The following TMEM183A variants were observed in gnomAD, a reference collection of about 807,000 sequenced individuals.
TMEM183A encodes transmembrane protein 183A, also known as chromosome 1 open reading frame 37.
In TMEM183A, 21 loss-of-function variants were observed where a neutral mutation model predicts 46.7. The ratio of observed to expected loss-of-function variants is 0.45; its 90% CI spans 0.32 to 0.65. The LOEUF (loss-of-function observed/expected upper bound fraction) is 0.65. Among genes scored for constraint, TMEM183A ranks in the 30% least tolerant of loss-of-function variants. The pLI, the probability that TMEM183A is intolerant of heterozygous loss-of-function variation, is 0.04. For synonymous variants in TMEM183A, 165 were observed against 180.2 expected (o/e 0.92, Z 0.68); for missense variants, 331 against 481.9 (o/e 0.69, Z 2.93).
intron 2 of TMEM183A, among the ~76,000 whole-genome samples, chr1:203,008,282 A>C (rs1012753793): frequency 6.6e-6 from 1 of 152,196 alleles, no homozygotes; most frequent in Non-Finnish European, 1.5e-5. Flanking sequence ...GCTCAGGACC[A>C]GGATTAAATT....
chr1:203,010,653 ATCT>A (rs1291873201), intron 3 of TMEM183A, among the ~76,000 whole-genome samples: 1 of 152,224 alleles, frequency 6.6e-6, no homozygotes, highest in Non-Finnish European at 1.5e-5. Context: ...TTAGGGATTT[ATCT>A]TCTTGTTGTT....
At position 203,023,915 on chromosome 1, in the gene TMEM183A, AAAAGT is replaced by A. The variant is rs1453748913; in HGVS notation, c.*879_*883del. On this transcript the variant is annotated 3_prime_UTR_variant, in exon 8 of 8. Coordinates refer to ENST00000367242, the MANE Select transcript of TMEM183A (RefSeq NM_138391.6). ...GTAGGCAGAGTGTACATAGATAAAA[AAAAGT>A]AAAAGGGTAAGTAAAAAATTGATTG... 6.6e-6 allele frequency: 1 copy of A among 152,224 alleles called. No individual in the cohort carries two copies. The highest frequency in any genetic ancestry group is 1.9e-4 in the East Asian group (1 of 5,202). The allele number at this position is 152,224 out of a possible 1,614,324, so 9.4% of individuals were successfully genotyped here. A position where few individuals can be genotyped will look rare whatever the true frequency, so the allele number is the denominator to read the frequency against.
At chr1:203,019,234 G>T (rs1248037565) in intron 6 of TMEM183A, among the ~76,000 whole-genome samples, 3 of 152,124 alleles carry the variant, frequency 2.0e-5, no homozygotes, top group African/African-American at 7.2e-5. Flanking sequence ...AACACTTCTG[G>T]CCCCAAGCGT....
Position 203,007,667 on chromosome 1 carries a change from G to A in TMEM183A, c.109+93G>A, listed in dbSNP as rs1439687002. The A allele has an allele frequency of 4.5e-6, 7 of 1,544,066 alleles. 1 individual carries two copies. The South Asian group carries it at 7.0e-5, about 15-fold the overall frequency. On this transcript the variant is annotated intron_variant, in intron 1 of 7. Coordinates refer to ENST00000367242, the MANE Select transcript of TMEM183A (RefSeq NM_138391.6). Reference sequence around the variant, plus strand: ...CCGAGGTGAGCGCTCGCGTGCCCGCGGCTGGAGGGCGGCTCGGTCCGGGGG... The same window carrying A: ...CCGAGGTGAGCGCTCGCGTGCCCGCAGCTGGAGGGCGGCTCGGTCCGGGGG...
chr1:203,015,147 C>G (rs1463463363), intron 4 of TMEM183A, 99 bp downstream of exon 4: 2 of 1,522,576 alleles, frequency 1.3e-6, no homozygotes, highest in Non-Finnish European at 1.8e-6. Context: ...TTTTCACTTT[C>G]TCTACTCCAT....
At chr1:203,016,221 T>G in intron 5 of TMEM183A, 81 bp downstream of exon 5, 1 of 1,593,342 alleles carries the variant, frequency 6.3e-7, no homozygotes, top group Non-Finnish European at 8.6e-7. Flanking sequence ...TCCAGCTTCC[T>G]TGATGGGGAG....
chr1:203,011,917 G>C (rs1443647361), intron 3 of TMEM183A, among the ~76,000 whole-genome samples: 2 of 138,118 alleles, frequency 1.4e-5, no homozygotes, highest in African/African-American at 2.7e-5. Flanking sequence ...TATTGTTTCA[G>C]CAGGTATAAT....
intron 7 of TMEM183A, 137 bp downstream of exon 7, chr1:203,021,085 G>A: frequency 9.9e-7 from 1 of 1,005,300 alleles, no homozygotes; most frequent in East Asian, 2.8e-5. Context: ...AGGCTGAAGT[G>A]CAGTGATGGA....
chr1:203,012,996 A>C (rs1379888444), intron 3 of TMEM183A, among the ~76,000 whole-genome samples: 1 of 152,252 alleles, frequency 6.6e-6, no homozygotes. Flanking sequence ...TTGAGATTAC[A>C]GGCATGAGCC....
chr1:203,022,889 A>G lies in TMEM183A; in HGVS notation c.980A>G (p.His327Arg), dbSNP rs1390328198. Residue 327 changes from histidine (H) to arginine (R), a missense_variant, in exon 8 of 8, where the codon CAT becomes CGT. His to Arg is a conservative substitution (Grantham distance 29). Around this residue, in one of 2 missense-constraint regions of TMEM183A, gnomAD observed 233 missense variants for 385.8 expected, o/e 0.60. Transcript: ENST00000367242. Reference sequence around the variant, plus strand: ...AATGTGAGCACGGACATGCGGCATCATCGAGTGAGACTGGTGTTCCAAGAT... The same window carrying G: ...AATGTGAGCACGGACATGCGGCATCGTCGAGTGAGACTGGTGTTCCAAGAT... ...TINVSTDMRH[H>R]RVRLVFQDSP... is the part of the protein sequence containing the mutation. 3 of 1,613,692 alleles carry G rather than the reference A, an allele frequency of 1.9e-6. No homozygotes were observed. The highest frequency in any genetic ancestry group is 1.7e-6 in the Non-Finnish European group (2 of 1,179,816).
chr1:203,015,166 A>G, intron 4 of TMEM183A, 118 bp downstream of exon 4: 1 of 1,439,034 alleles, frequency 6.9e-7, no homozygotes, highest in South Asian at 1.3e-5. Context: ...ATGTCTGGGC[A>G]TGACCCAGCT....
At chr1:203,017,621 C>A in intron 5 of TMEM183A, 2 of 471,382 alleles carry the variant, frequency 4.2e-6, no homozygotes, top group Non-Finnish European at 5.6e-6. Context: ...TGGCAGATAT[C>A]CCGTGCATGG....
chr1:203,008,720 A>C lies in TMEM183A; in HGVS notation c.277A>C (p.Ile93Leu). 1 of 1,610,410 alleles carries C rather than the reference A, an allele frequency of 6.2e-7. No individual in the cohort carries two copies. Among genetic ancestry groups the C allele is most frequent in the Non-Finnish European group, 8.5e-7 (1 of 1,178,368 alleles). ...TTCTGGGGCTGGTGAGCCCTGTGAC[A>C]TCATCGACAGCAGTGATGAGATGGA... ...ALSGAGEPCD[I>L]IDSSDEMDAQ... Residue 93 changes from isoleucine (I) to leucine (L), a missense_variant, in exon 3 of 8, where the codon ATC becomes CTC. Physicochemically the swap from Ile to Leu is conservative, Grantham distance 5 (BLOSUM62 2). Coordinates refer to ENST00000367242, the MANE Select transcript of TMEM183A (RefSeq NM_138391.6).
At position 203,013,792 on chromosome 1, in the gene TMEM183A, C is replaced by T. The variant is rs1313151036; in HGVS notation, c.368-1097C>T. Among the ~76,000 whole-genome samples the T allele has an allele frequency of 6.6e-6, 1 of 151,956 alleles. No individual in the cohort carries two copies. The highest frequency in any genetic ancestry group is 2.4e-5 in the African/African-American group (1 of 41,336). ...CCTCCCAAAGTGTTGGGATTACAGGCGTGAGCCACCGTGCCCGGCCTAAGT... is the reference window on the plus strand; with the variant it reads ...CCTCCCAAAGTGTTGGGATTACAGGTGTGAGCCACCGTGCCCGGCCTAAGT... On this transcript the variant is annotated intron_variant, in intron 3 of 7. Transcript: ENST00000367242. This position sits in a 1 kb window ranked among gnomAD's most constrained non-coding sequence, Gnocchi z 4.0.
intron 4 of TMEM183A, chr1:203,015,338 C>A: frequency 2.4e-6 from 1 of 422,500 alleles, no homozygotes; most frequent in Non-Finnish European, 4.2e-6. Context: ...TCTTCAGAGG[C>A]TTATTTTAGC....
Position 203,014,899 on chromosome 1 carries a change from C to T in TMEM183A, c.378C>T (p.Asp126=), listed in dbSNP as rs770291066. 7.1e-5 allele frequency: 115 copies of T among 1,613,236 alleles called. 1 individual carries two copies. In the South Asian group the frequency reaches 9.8e-4, roughly 14 times the overall value. The change falls in exon 4 of 8, where the codon GAC becomes GAT. Residue 126 remains aspartate, a synonymous_variant. Coordinates refer to ENST00000367242, the MANE Select transcript of TMEM183A (RefSeq NM_138391.6). ...TTTTTTTTGTTTCAGAAGAACTGGACGGGGCTGGAGGAGAAGAGTATCCCA... is the reference window on the plus strand; with the variant it reads ...TTTTTTTTGTTTCAGAAGAACTGGATGGGGCTGGAGGAGAAGAGTATCCCA... ...KKSKRHKEEL[D]GAGGEEYPMD...
chr1:203,012,235 T>TCTCACACACACACACACACACACACA (rs370305350), intron 3 of TMEM183A, among the ~76,000 whole-genome samples: 1 of 80,790 alleles, frequency 1.2e-5, no homozygotes, highest in African/African-American at 4.8e-5. Flanking sequence ...CCCCACTCCA[T>TCTCACACACACACACACACACACACA]CACACACACA....
intron 5 of TMEM183A, chr1:203,017,993 G>A: frequency 1.0e-6 from 1 of 976,504 alleles, no homozygotes; most frequent in South Asian, 4.7e-5. Flanking sequence ...ACAGAATTCA[G>A]CCTAGCTCTG....
chr1:203,020,421 G>A (rs780097917), intron 6 of TMEM183A, among the ~76,000 whole-genome samples: 23 of 152,150 alleles, frequency 1.5e-4, no homozygotes, highest in Non-Finnish European at 3.1e-4. Flanking sequence ...CTGGAATTAG[G>A]TGGCCACTTC....
Sources: gnomAD v4.1 joint callset for allele counts (sites outside exome capture counted in the v4.1 genomes callset) on GRCh38, gnomAD v4.1.1 for gene constraint, gnomAD v4.1.1 regional missense constraint, Gnocchi (gnomAD v3.1) non-coding constraint, MANE v1.5 for transcripts, NCBI Gene and HGNC (gene_info 2026-07-23, HGNC 2026-07-21) for gene names.